Variants in TAFA5 observed in about 807,000 individuals in gnomAD.
TAFA5 encodes TAFA chemokine like family member 5.
A neutral mutation model predicts 15.3 loss-of-function variants in TAFA5; 6 were observed. The ratio of observed to expected loss-of-function variants is 0.39; its 90% CI spans 0.21 to 0.77. The LOEUF (loss-of-function observed/expected upper bound fraction) is 0.77, where lower values mean the gene tolerates loss of function less well. TAFA5 is among the 30% of genes least tolerant of loss of function. TAFA5 has a pLI of 0.41. For synonymous variants in TAFA5, 103 were observed against 80.7 expected (o/e 1.28, Z -1.48); for missense variants, 161 against 193.1 (o/e 0.83, Z 0.98).
chr22:48,717,091 C>A (rs914858723), intron 3 of TAFA5, among the ~76,000 whole-genome samples: 1 of 152,214 alleles, frequency 6.6e-6, no homozygotes, highest in South Asian at 2.1e-4. Flanking sequence ...TGAATGAATA[C>A]AGTCGCATCC....
chr22:48,537,506 C>T (rs1386664980), intron 1 of TAFA5, among the ~76,000 whole-genome samples: 4 of 152,232 alleles, frequency 2.6e-5, no homozygotes, highest in Non-Finnish European at 4.4e-5. Flanking sequence ...CTTACTGACT[C>T]AGCATGCGGC....
chr22:48,601,457 G>T (rs1271156266), intron 1 of TAFA5, among the ~76,000 whole-genome samples: 2 of 152,100 alleles, frequency 1.3e-5, no homozygotes, highest in Non-Finnish European at 2.9e-5. Context: ...CTCCAGAGTA[G>T]CTGGGACTAC....
At chr22:48,658,793 A>G (rs1294547274) in intron 2 of TAFA5, among the ~76,000 whole-genome samples, 1 of 152,218 alleles carries the variant, frequency 6.6e-6, no homozygotes, top group Non-Finnish European at 1.5e-5. Flanking sequence ...AGAGAGAGAA[A>G]GGACCAGGCC....
At chr22:48,712,400 G>A (rs1364285922) in intron 3 of TAFA5, among the ~76,000 whole-genome samples, 1 of 152,230 alleles carries the variant, frequency 6.6e-6, no homozygotes, top group African/African-American at 2.4e-5. Context: ...CCCATTAGTG[G>A]GTTGTGAAAT....
chr22:48,590,142 G>C (rs1406780229), intron 1 of TAFA5, among the ~76,000 whole-genome samples: 1 of 152,148 alleles, frequency 6.6e-6, no homozygotes, highest in East Asian at 1.9e-4. Flanking sequence ...AGCATGAAGG[G>C]GAAGATCCGG....
At chr22:48,702,759 G>GCC (rs1054986404) in intron 2 of TAFA5, among the ~76,000 whole-genome samples, 1 of 152,252 alleles carries the variant, frequency 6.6e-6, no homozygotes, top group African/African-American at 2.4e-5. Flanking sequence ...CCTCACCCGA[G>GCC]CCCGGGGAAA....
intron 1 of TAFA5, among the ~76,000 whole-genome samples, chr22:48,494,933 G>A (rs922365148): frequency 5.3e-5 from 8 of 152,372 alleles, no homozygotes; most frequent in South Asian, 2.1e-4. Context: ...GGAATCGGGT[G>A]TGGAATTACT....
chr22:48,546,842 G>A (rs1922691447), intron 1 of TAFA5: 3 of 300,342 alleles, frequency 1.0e-5, no homozygotes, highest in Non-Finnish European at 2.0e-5. Context: ...CCACCCTCTC[G>A]TGCGGGGAGG....
At chr22:48,505,439 G>T (rs1601838132) in intron 1 of TAFA5, among the ~76,000 whole-genome samples, 1 of 152,204 alleles carries the variant, frequency 6.6e-6, no homozygotes, top group East Asian at 1.9e-4. Context: ...GATACAGAGG[G>T]TCTCAGAGGA....
intron 2 of TAFA5, among the ~76,000 whole-genome samples, chr22:48,667,728 G>A (rs1305972737): frequency 4.0e-5 from 6 of 151,028 alleles, no homozygotes; most frequent in Non-Finnish European, 7.4e-5. Flanking sequence ...GGTCTTCACC[G>A]GGAGCGTTAA....
At chr22:48,542,362 TGTGTGCGG>T (rs1922439389) in intron 1 of TAFA5, among the ~76,000 whole-genome samples, 1 of 123,484 alleles carries the variant, frequency 8.1e-6, no homozygotes, top group African/African-American at 3.2e-5. Flanking sequence ...TGCATATGTG[TGTGTGCGG>T]GTGTGTGGTG....
At chr22:48,575,288 C>T (rs867152444) in intron 1 of TAFA5, among the ~76,000 whole-genome samples, 8 of 151,834 alleles carry the variant, frequency 5.3e-5, no homozygotes, top group Non-Finnish European at 8.8e-5. Flanking sequence ...CCGGCCCCAC[C>T]TGACCCGCCG....
chr22:48,558,196 T>C (rs1805925872), intron 1 of TAFA5, among the ~76,000 whole-genome samples: 1 of 152,210 alleles, frequency 6.6e-6, no homozygotes, highest in African/African-American at 2.4e-5. Context: ...CTAGTCATTA[T>C]TGCGTCTTCG....
intron 1 of TAFA5, among the ~76,000 whole-genome samples, chr22:48,506,091 C>G (rs1920992926): frequency 6.6e-6 from 1 of 152,160 alleles, no homozygotes; most frequent in African/African-American, 2.4e-5. Context: ...CCTGCACACC[C>G]CACGGGGCTG....
chr22:48,613,321 ACT>A (rs1407428722), intron 1 of TAFA5, among the ~76,000 whole-genome samples: 1 of 152,002 alleles, frequency 6.6e-6, no homozygotes, highest in Non-Finnish European at 1.5e-5. Flanking sequence ...GCCCCTGGAC[ACT>A]GTTTCACCTC....
chr22:48,638,317 C>G (rs935327976), intron 1 of TAFA5, among the ~76,000 whole-genome samples: 5 of 131,298 alleles, frequency 3.8e-5, no homozygotes, highest in African/African-American at 1.1e-4. Context: ...AACAACCCCC[C>G]CCACACACTA....
Position 48,751,184 on chromosome 22 carries a change from G to A in TAFA5, c.*1337G>A, listed in dbSNP as rs1243503771. On this transcript the variant is annotated 3_prime_UTR_variant, in exon 4 of 4. Coordinates refer to ENST00000402357, the MANE Select transcript of TAFA5 (RefSeq NM_001082967.3). ...ATCTTGAACATGCTTCTTCCAATGG[G>A]TTTTGTTTCCCATTTCCTGCCCCTT... is the stretch of plus-strand genomic sequence containing the variant. 1 of 152,392 alleles carries A rather than the reference G, an allele frequency of 6.6e-6. No individual in the cohort carries two copies. The highest frequency in any genetic ancestry group is 1.5e-5 in the Non-Finnish European group (1 of 68,084). 9.4% of individuals were successfully genotyped at this position (152,392 alleles called of 1,614,324 possible). A position where few individuals can be genotyped will look rare whatever the true frequency, so the allele number is the denominator to read the frequency against.
At chr22:48,712,246 A>C (rs1277863924) in intron 3 of TAFA5, among the ~76,000 whole-genome samples, 1 of 152,176 alleles carries the variant, frequency 6.6e-6, no homozygotes. Context: ...TAGTAGAGGC[A>C]GGGTTTCACC....
At chr22:48,685,894 G>C (rs1569078569) in intron 2 of TAFA5, among the ~76,000 whole-genome samples, 1 of 152,106 alleles carries the variant, frequency 6.6e-6, no homozygotes, top group East Asian at 1.9e-4. Context: ...AAATGCAGAT[G>C]CCTTCCCTTA....
Sources: allele counts gnomAD v4.1 joint callset (sites outside exome capture counted in the v4.1 genomes callset), GRCh38; gene constraint gnomAD v4.1.1; transcripts MANE v1.5; gene names NCBI Gene and HGNC (gene_info 2026-07-23, HGNC 2026-07-21).